DAB1: variants seen among roughly 807,000 people sequenced by gnomAD.
DAB1 encodes the protein DAB adaptor protein 1.
In DAB1, 15 loss-of-function variants were observed where a neutral mutation model predicts 64.6. The observed-to-expected ratio is 0.23, with a 90% CI of 0.16 to 0.36. The LOEUF (loss-of-function observed/expected upper bound fraction) is 0.36. Among genes scored for constraint, DAB1 ranks in the 10% least tolerant of loss-of-function variants. DAB1 has a pLI of 1.00. For missense variants in DAB1, 596 were observed against 706.7 expected, an observed-to-expected ratio of 0.84 and a Z score of 1.78; for synonymous variants, 235 against 251.9, an observed-to-expected ratio of 0.93 and a Z score of 0.64.
At chr1:57,580,114 C>T (rs1645295912) in intron 7 of DAB1, among the ~76,000 whole-genome samples, 1 of 151,486 alleles carries the variant, frequency 6.6e-6, no homozygotes, top group Non-Finnish European at 1.5e-5. Context: ...ACACCTGGCC[C>T]TGGGGTGGTT....
intron 5 of DAB1, among the ~76,000 whole-genome samples, chr1:57,963,872 T>C (rs1431148905): frequency 2.0e-5 from 3 of 152,302 alleles, no homozygotes; most frequent in Middle Eastern, 3.4e-3. Context: ...ATAAGCTGTA[T>C]TGACAGCAAA....
At chr1:57,558,444 A>G (rs1045266142) in intron 7 of DAB1, among the ~76,000 whole-genome samples, 1 of 152,214 alleles carries the variant, frequency 6.6e-6, no homozygotes, top group Non-Finnish European at 1.5e-5. Flanking sequence ...GTGACCCATG[A>G]GGAAGCGTGC....
intron 3 of DAB1, among the ~76,000 whole-genome samples, chr1:58,504,566 T>C (rs1446711733): frequency 1.3e-5 from 2 of 152,228 alleles, no homozygotes; most frequent in African/African-American, 2.4e-5. Context: ...GTTTGTTTCT[T>C]ATTTGCATTA....
chr1:57,551,158 G>A (rs1271379441), intron 7 of DAB1, among the ~76,000 whole-genome samples: 1 of 152,140 alleles, frequency 6.6e-6, no homozygotes, highest in Non-Finnish European at 1.5e-5. Flanking sequence ...CGTTCGTCTT[G>A]CACGCCACTA....
At chr1:58,062,777 A>C (rs1197456359) in intron 5 of DAB1, among the ~76,000 whole-genome samples, 1 of 152,180 alleles carries the variant, frequency 6.6e-6, no homozygotes, top group Non-Finnish European at 1.5e-5. Flanking sequence ...AGTAGATACT[A>C]CACACCATGC....
chr1:57,413,082 C>T (rs1015750616), intron 1 of DAB1, among the ~76,000 whole-genome samples: 17 of 152,126 alleles, frequency 1.1e-4, no homozygotes, highest in Non-Finnish European at 1.2e-4. Context: ...ATCTACTCTG[C>T]CTGTACTCTA....
At chr1:57,688,995 T>C (rs1298006297) in intron 6 of DAB1, among the ~76,000 whole-genome samples, 12 of 152,122 alleles carry the variant, frequency 7.9e-5, no homozygotes, top group Admixed American at 7.2e-4. Context: ...ATGGGATCCA[T>C]ACCCAAATCT....
At chr1:57,475,317 C>T (rs978588253) in intron 7 of DAB1, among the ~76,000 whole-genome samples, 1 of 152,058 alleles carries the variant, frequency 6.6e-6, no homozygotes, top group East Asian at 1.9e-4. Context: ...TAAAAGACAT[C>T]AGTCCGGATG....
intron 2 of DAB1, among the ~76,000 whole-genome samples, chr1:57,222,965 C>T (rs1313784646): frequency 6.6e-6 from 1 of 152,158 alleles, no homozygotes; most frequent in African/African-American, 2.4e-5. Context: ...TGCACCACAT[C>T]ACACGCCTCC....
intron 1 of DAB1, among the ~76,000 whole-genome samples, chr1:57,311,045 G>C (rs1247991835): frequency 6.6e-6 from 1 of 152,026 alleles, no homozygotes; most frequent in Non-Finnish European, 1.5e-5. Flanking sequence ...CAGCCAGATT[G>C]ACAGACAAGC....
At chr1:58,410,448 A>G (rs338904) in intron 3 of DAB1, among the ~76,000 whole-genome samples, 28,523 of 152,166 alleles carry the variant, frequency 0.19, 2,985 homozygotes, top group Middle Eastern at 0.27. Context: ...GGGAATGGGA[A>G]GGGAGGGAGC....
At chr1:58,185,647 G>T (rs766446283) in intron 4 of DAB1, among the ~76,000 whole-genome samples, 1 of 152,068 alleles carries the variant, frequency 6.6e-6, no homozygotes, top group Non-Finnish European at 1.5e-5. Context: ...CTTCATGCTG[G>T]AACTTCAGTA....
chr1:57,659,245 G>A (rs1304605294), intron 6 of DAB1, among the ~76,000 whole-genome samples: 2 of 152,114 alleles, frequency 1.3e-5, no homozygotes, highest in African/African-American at 4.8e-5. Flanking sequence ...AACACCCTTG[G>A]CAGAGCACAC....
Position 57,794,981 on chromosome 1 carries a change from C to T in DAB1, n.551+89018G>A, listed in dbSNP as rs573091189. Among the ~76,000 whole-genome samples the T allele has an allele frequency of 7.9e-5, 12 of 152,308 alleles. No homozygotes were observed. In the East Asian group the frequency reaches 2.1e-3, roughly 27 times the overall value. On this transcript the variant is annotated intron_variant and non_coding_transcript_variant, in intron 6 of 20. Transcript: ENST00000485760. ...GGGAAGATGGCACTGTTTGCTGGAGCATGTAGCACCAGGCTATAACCATCC... is the reference window on the plus strand; with the variant it reads ...GGGAAGATGGCACTGTTTGCTGGAGTATGTAGCACCAGGCTATAACCATCC...
intron 4 of DAB1, among the ~76,000 whole-genome samples, chr1:57,105,124 T>C (rs575271744): frequency 6.6e-6 from 1 of 152,190 alleles, no homozygotes; most frequent in Admixed American, 6.6e-5. Flanking sequence ...CTCATCAGTT[T>C]GGTTTTTGGC....
At chr1:58,016,653 C>T (rs1459538597) in intron 5 of DAB1, among the ~76,000 whole-genome samples, 1 of 152,088 alleles carries the variant, frequency 6.6e-6, no homozygotes, top group Admixed American at 6.5e-5. Flanking sequence ...GCTGCTCAAA[C>T]TAAAAAGCCC....
chr1:57,385,485 T>C (rs1681732009), intron 1 of DAB1, among the ~76,000 whole-genome samples: 1 of 152,172 alleles, frequency 6.6e-6, no homozygotes, highest in South Asian at 2.1e-4. Context: ...AAACATTTAC[T>C]TAGCAACTAC....
intron 1 of DAB1, among the ~76,000 whole-genome samples, chr1:57,879,460 C>T (rs1644108236): frequency 6.6e-6 from 1 of 152,134 alleles, no homozygotes; most frequent in Admixed American, 6.6e-5. Flanking sequence ...GTTAAGGCGA[C>T]TAGCACTACT....
intron 4 of DAB1, among the ~76,000 whole-genome samples, chr1:58,234,525 A>T (rs551637824): frequency 6.6e-6 from 1 of 152,332 alleles, no homozygotes; most frequent in East Asian, 1.9e-4. Context: ...TGGACAAGGC[A>T]GGGGGCTGGC....
Sources: gnomAD v4.1 joint callset for allele counts (sites outside exome capture counted in the v4.1 genomes callset) on GRCh38, gnomAD v4.1.1 for gene constraint, MANE v1.5 for transcripts, NCBI Gene and HGNC (gene_info 2026-07-23, HGNC 2026-07-21) for gene names.